CLUH: variants seen among roughly 807,000 people sequenced by gnomAD.
CLUH encodes the protein clustered mitochondria protein homolog.
A neutral mutation model predicts 139.3 loss-of-function variants in CLUH; 77 were observed. The observed-to-expected ratio is 0.55, with a 90% CI of 0.46 to 0.67. CLUH has a LOEUF of 0.67. CLUH is among the 30% of genes least tolerant of loss of function. The pLI is 0.00. For missense variants in CLUH, 1,876 were observed against 1,875.8 expected (o/e 1.00, Z 0.00); for synonymous variants, 999 against 801.6 (o/e 1.25, Z -4.16).
At position 2,703,216 on chromosome 17, in the gene CLUH, C is replaced by T. The variant is rs1000973148; in HGVS notation, c.475+102G>A. On this transcript the variant is annotated intron_variant, in intron 3 of 25. Coordinates refer to ENST00000651024, the MANE Select transcript of CLUH (RefSeq NM_001366661.1). The surrounding 1 kb of genome is among the most constrained non-coding windows in gnomAD (Gnocchi z 4.2). The stretch of plus-strand genomic sequence containing the variant: ...CAGATCTGTGCTCCAATCCTGCCTC[C>T]ATGAGCTCATCCGTGACACAGGGAC... 2.9e-5 allele frequency: 36 copies of T among 1,243,904 alleles called. No homozygotes were observed. The highest frequency in any genetic ancestry group is 4.3e-5 in the Admixed American group (2 of 46,714). 77.1% of individuals were successfully genotyped at this position (1,243,904 alleles called of 1,614,324 possible). A position where few individuals can be genotyped will look rare whatever the true frequency, so the allele number is the denominator to read the frequency against.
chr17:2,693,141 C>CAATAAAAAAAAAAA (rs1555529823), intron 19 of CLUH, among the ~76,000 whole-genome samples: 13 of 73,786 alleles, frequency 1.8e-4, no homozygotes, highest in South Asian at 1.6e-3. Context: ...AAAAATGTTA[C>CAATAAAAAAAAAAA]AAAAAAAAAA....
chr17:2,694,455 C>T (rs1464512982), intron 17 of CLUH, 25 bp downstream of exon 17: 10 of 943,334 alleles, frequency 1.1e-5, no homozygotes, highest in South Asian at 4.6e-5. Context: ...GGGGACACAG[C>T]GGGGATGCTG....
Position 2,694,144 on chromosome 17 carries a change from C to G in CLUH, c.3070G>C (p.Gly1024Arg). Residue 1024 changes from glycine (G) to arginine (R), a missense_variant, in exon 18 of 26, where the codon GGG (glycine) becomes CGG (arginine). Physicochemically the swap from Gly to Arg is moderately radical, Grantham distance 125. Coordinates refer to ENST00000651024, the MANE Select transcript of CLUH (RefSeq NM_001366661.1). The part of the protein sequence containing the change: ...ASDAFHFFQS[G>R]QAKVQQGFLK... ...ACACCCTGCTGCACTTTGGCCTGCCCGCTCTGGAAGAAATGGAAGGCATCC... is the reference window on the plus strand; with the variant it reads ...ACACCCTGCTGCACTTTGGCCTGCCGGCTCTGGAAGAAATGGAAGGCATCC... 1 of 1,613,560 alleles carries G rather than the reference C, an allele frequency of 6.2e-7. No homozygotes were observed. The highest frequency in any genetic ancestry group is 8.5e-7 in the Non-Finnish European group (1 of 1,179,738).
At position 2,707,260 on chromosome 17, in the gene CLUH, C is replaced by T. The variant is rs896072372; in HGVS notation, c.101-2696G>A. The T allele has an allele frequency of 2.0e-5, 20 of 985,440 alleles. No homozygotes were observed. Among genetic ancestry groups the T allele is most frequent in the Middle Eastern group, 5.2e-4 (1 of 1,914 alleles). The allele number at this position is 985,440 out of a possible 1,614,324, so 61.0% of individuals were successfully genotyped here. A position where few individuals can be genotyped will look rare whatever the true frequency, so the allele number is the denominator to read the frequency against. Reference sequence around the variant, plus strand: ...GGCAGCCAGCTCTCCAGCTCAGCCCCAGCATTGCCCGGGTTCCTTGTTCCA... The same window carrying T: ...GGCAGCCAGCTCTCCAGCTCAGCCCTAGCATTGCCCGGGTTCCTTGTTCCA... On this transcript the variant is annotated intron_variant, in intron 1 of 25. Transcript: ENST00000651024. The surrounding 1 kb of genome is among the most constrained non-coding windows in gnomAD (Gnocchi z 7.4).
At chr17:2,709,623 T>G (rs1006835641) in intron 1 of CLUH, among the ~76,000 whole-genome samples, 3 of 151,968 alleles carry the variant, frequency 2.0e-5, no homozygotes, top group Non-Finnish European at 4.4e-5. Flanking sequence ...TCTTAACCCC[T>G]AAAAGCCGCT....
rs760668084 is a variant in CLUH at position 2,702,018 on chromosome 17, T to C, written c.515A>G (p.His172Arg). ...TVREARIHVR[H>R]VRDLLKSLDP... ...CAGGCTCTTGAGCAGGTCTCGGACA[T>C]GGCGCACGTGGATGCGGGCCTCACG... The change falls in exon 4 of 26, where the codon CAT (histidine) becomes CGT (arginine). Residue 172 changes from histidine (H) to arginine (R), a missense_variant. By Grantham distance (29) the His-to-Arg change is conservative. Around this residue, in one of 3 missense-constraint regions of CLUH, gnomAD observed 270 missense variants for 354.7 expected, o/e 0.76. Transcript: ENST00000651024. The C allele has an allele frequency of 1.9e-6, 3 of 1,613,810 alleles. No individual in the cohort carries two copies. Among genetic ancestry groups the C allele is most frequent in the Non-Finnish European group, 2.5e-6 (3 of 1,179,888 alleles).
In CLUH at chr17:2,696,425, A is replaced by C. The variant is rs1213765286; in HGVS notation, c.2290+9T>G. ...AGGGCTCCTGCGCTGGCCGGCCCCC[A>C]CCACCTGCCTGGTGAGAAGATGTCA... On this transcript the variant is annotated intron_variant, in intron 12 of 25. Transcript: ENST00000651024. 1 of 1,576,138 alleles carries C rather than the reference A, an allele frequency of 6.3e-7. No homozygotes were observed. Among genetic ancestry groups the C allele is most frequent in the Non-Finnish European group, 8.6e-7 (1 of 1,162,460 alleles).
chr17:2,695,929 GC>G (rs1367738141), intron 13 of CLUH: 1 of 593,484 alleles, frequency 1.7e-6, no homozygotes, highest in Non-Finnish European at 3.0e-6. Context: ...ACCATCCAGG[GC>G]TCAGAAGACT....
At position 2,700,753 on chromosome 17, in the gene CLUH, C is replaced by G. The variant is rs1220243950; in HGVS notation, c.1098G>C (p.Glu366Asp). Residue 366 changes from glutamate (E) to aspartate (D), a missense_variant, in exon 8 of 26, where the codon GAG becomes GAC. By Grantham distance (45) the Glu-to-Asp change is conservative. Coordinates refer to ENST00000651024, the MANE Select transcript of CLUH (RefSeq NM_001366661.1). ...QVYSWTAPQA[E>D]HAMDCVRAED... Reference sequence around the variant, plus strand: ...CTGCACGCACGCAATCCATGGCATGCTCCGCCTGGGGGGCTGTCCAGCTGT... The same window carrying G: ...CTGCACGCACGCAATCCATGGCATGGTCCGCCTGGGGGGCTGTCCAGCTGT... 2 of 1,547,720 alleles carry G rather than the reference C, an allele frequency of 1.3e-6. No homozygotes were observed. The highest frequency in any genetic ancestry group is 1.7e-6 in the Non-Finnish European group (2 of 1,152,014).
intron 1 of CLUH, among the ~76,000 whole-genome samples, chr17:2,710,544 AC>A (rs1042657554): frequency 2.0e-5 from 3 of 152,252 alleles, no homozygotes; most frequent in African/African-American, 7.2e-5. Context: ...GGACTGGGGG[AC>A]AGGAGTAGCT....
chr17:2,704,248 T>C lies in CLUH; in HGVS notation c.303+114A>G. ...TGACTCTAGGGAGGGCACGGGATCC[T>C]CAGTTTCCTGCCACAAAATGGGGCC... On this transcript the variant is annotated intron_variant, in intron 2 of 25. Coordinates refer to ENST00000651024, the MANE Select transcript of CLUH (RefSeq NM_001366661.1). This position sits in a 1 kb window ranked among gnomAD's most constrained non-coding sequence, Gnocchi z 5.7. 1 of 1,142,898 alleles carries C rather than the reference T, an allele frequency of 8.7e-7. No homozygotes were observed. The highest frequency in any genetic ancestry group is 2.4e-5 in the Admixed American group (1 of 41,490). The allele number at this position is 1,142,898 out of a possible 1,614,324, so 70.8% of individuals were successfully genotyped here.
chr17:2,710,579 G>T (rs142959190), intron 1 of CLUH, among the ~76,000 whole-genome samples: 1 of 152,210 alleles, frequency 6.6e-6, no homozygotes, highest in Non-Finnish European at 1.5e-5. Flanking sequence ...GCCACCCAGA[G>T]CAAAGAGGGC....
In CLUH at chr17:2,690,762, C is replaced by T; in HGVS notation, c.3879G>A (p.Glu1293=). The T allele has an allele frequency of 1.3e-6, 2 of 1,518,970 alleles. No individual in the cohort carries two copies. The highest frequency in any genetic ancestry group is 1.7e-6 in the Non-Finnish European group (2 of 1,143,168). The allele number at this position is 1,518,970 out of a possible 1,614,324, so 94.1% of individuals were successfully genotyped here. ...GCCGCGCCACCTCGGCTTTCAGATT[C>T]TCCAGGTCTTTTTGGCTGAGGATAA... ...LFIPLSQKDL[E]NLKAEVARRH... Residue 1293 remains glutamate (E), a synonymous_variant, in exon 26 of 26, where the codon GAG becomes GAA. Transcript: ENST00000651024.
chr17:2,709,716 T>C (rs758360973), intron 1 of CLUH, among the ~76,000 whole-genome samples: 12 of 152,148 alleles, frequency 7.9e-5, no homozygotes, highest in Non-Finnish European at 1.6e-4. Context: ...TGAAGAGCCT[T>C]CCAGAGCTGG....
chr17:2,692,117 G>A lies in CLUH; in HGVS notation c.3561-20C>T, dbSNP rs1311907295. ...TGGTGGCTGCCGGGAGGCGCGGCGC[G>A]GGGCGAGGGAAGGGCATAAGTGGGC... On this transcript the variant is annotated intron_variant, in intron 22 of 25. Transcript: ENST00000651024. The A allele has an allele frequency of 1.3e-6, 2 of 1,584,350 alleles. No homozygotes were observed. Among genetic ancestry groups the A allele is most frequent in the African/African-American group, 2.7e-5 (2 of 74,424 alleles).
Position 2,701,559 on chromosome 17 carries a change from T to C in CLUH, c.745-39A>G, listed in dbSNP as rs532590848. On this transcript the variant is annotated intron_variant, in intron 5 of 25. Transcript: ENST00000651024. ...CGAGTCTGAGGGGCCAGGCCTCTGGTGTGGGGCCTCCACCCCGCCAGGGAC... is the reference window on the plus strand; with the variant it reads ...CGAGTCTGAGGGGCCAGGCCTCTGGCGTGGGGCCTCCACCCCGCCAGGGAC... 6.2e-6 allele frequency: 10 copies of C among 1,612,302 alleles called. No individual in the cohort carries two copies. The African/African-American group carries it at 1.3e-4, about 21-fold the overall frequency.
At position 2,706,955 on chromosome 17, in the gene CLUH, C is replaced by T. The variant is rs2070369271; in HGVS notation, c.101-2391G>A. Among the ~76,000 whole-genome samples the T allele has an allele frequency of 6.6e-6, 1 of 152,248 alleles. No homozygotes were observed. Among genetic ancestry groups the T allele is most frequent in the Non-Finnish European group, 1.5e-5 (1 of 68,042 alleles). ...GCAAGGTGGCCGCGGCTCCCACTCT[C>T]CTTCCCCAGCCCAGGGAGACGACCC... On this transcript the variant is annotated intron_variant, in intron 1 of 25. Coordinates refer to ENST00000651024, the MANE Select transcript of CLUH (RefSeq NM_001366661.1). The surrounding 1 kb of genome is among the most constrained non-coding windows in gnomAD (Gnocchi z 4.6).
intron 4 of CLUH, 78 bp from the exon 5 acceptor site, chr17:2,701,815 C>A: frequency 6.4e-7 from 1 of 1,571,780 alleles, no homozygotes; most frequent in African/African-American, 1.3e-5. Flanking sequence ...GGCCGTGGTC[C>A]GGGTGCCTCA....
In CLUH at chr17:2,704,135, C is replaced by G. The variant is rs1277139829; in HGVS notation, c.303+227G>C. Among the ~76,000 whole-genome samples, 1 of 152,206 alleles carries G rather than the reference C, an allele frequency of 6.6e-6. No individual in the cohort carries two copies. The highest frequency in any genetic ancestry group is 1.5e-5 in the Non-Finnish European group (1 of 68,032). On this transcript the variant is annotated intron_variant, in intron 2 of 25. Coordinates refer to ENST00000651024, the MANE Select transcript of CLUH (RefSeq NM_001366661.1). The surrounding 1 kb of genome is among the most constrained non-coding windows in gnomAD (Gnocchi z 5.7). ...CTATCACTCCCCTCCCCACATAGGG[C>G]TGGCAGGCCCAGCTGGTTGCTGTCC... is the stretch of plus-strand genomic sequence containing the variant.
Sources: gnomAD v4.1 joint callset for allele counts (sites outside exome capture counted in the v4.1 genomes callset) on GRCh38, gnomAD v4.1.1 for gene constraint, gnomAD v4.1.1 regional missense constraint, Gnocchi (gnomAD v3.1) non-coding constraint, MANE v1.5 for transcripts, NCBI Gene and HGNC (gene_info 2026-07-23, HGNC 2026-07-21) for gene names.